The following CASP2 variants were observed in gnomAD, a reference collection of about 807,000 sequenced individuals.
CASP2 encodes caspase 2.
CASP2 carries 38 observed loss-of-function variants against 54.4 expected under a neutral mutation model. That is an observed-to-expected ratio of 0.70 (90% CI 0.54 to 0.92). The LOEUF (loss-of-function observed/expected upper bound fraction) is 0.92, where lower values mean the gene tolerates loss of function less well. Among genes scored for constraint, CASP2 ranks in the 40% least tolerant of loss-of-function variants. The probability of loss-of-function intolerance (pLI) is 0.00; values close to 1 mark genes in which losing one functional copy is unlikely to be tolerated. For synonymous variants in CASP2, 215 were observed against 216.3 expected (o/e 0.99, Z 0.05); for missense variants, 512 against 579.6 (o/e 0.88, Z 1.20).
chr7:143,298,944 C>A (rs1344673159), intron 6 of CASP2: 1 of 151,752 alleles, frequency 6.6e-6, no homozygotes, highest in Admixed American at 6.6e-5. Flanking sequence ...GCAATGTGTC[C>A]CAGACACAGT....
At chr7:143,293,042 G>T in intron 4 of CASP2, 1 of 603,792 alleles carries the variant, frequency 1.7e-6, no homozygotes, top group East Asian at 2.8e-5. Flanking sequence ...TAAAAAGGAG[G>T]GGGGTGTCCC....
chr7:143,300,528 C>T (rs1357185118), intron 8 of CASP2: 6 of 1,561,860 alleles, frequency 3.8e-6, no homozygotes, highest in African/African-American at 1.3e-5. Flanking sequence ...CCACCATATC[C>T]TGTTTTCAGG....
chr7:143,299,000 C>T (rs1188423648), intron 6 of CASP2, among the ~76,000 whole-genome samples: 1 of 151,848 alleles, frequency 6.6e-6, no homozygotes, highest in Non-Finnish European at 1.5e-5. Context: ...CTCTCTGTCA[C>T]CCAGGCTACA....
At chr7:143,297,604 G>C (rs4647314) in intron 6 of CASP2, among the ~76,000 whole-genome samples, 1 of 152,018 alleles carries the variant, frequency 6.6e-6, no homozygotes, top group Non-Finnish European at 1.5e-5. Flanking sequence ...ATGCCACCAC[G>C]CCCGGCTAAT....
chr7:143,298,376 T>C (rs769011502), intron 6 of CASP2: 4 of 152,216 alleles, frequency 2.6e-5, no homozygotes, highest in African/African-American at 4.8e-5. Flanking sequence ...TCGTGAATTA[T>C]AGAGGGAGGC....
At chr7:143,295,028 C>CTT (rs759124235) in intron 6 of CASP2, among the ~76,000 whole-genome samples, 2 of 142,498 alleles carry the variant, frequency 1.4e-5, no homozygotes, top group African/African-American at 2.6e-5. Context: ...TGGTGTCTCA[C>CTT]TTTTTTTTTT....
chr7:143,292,160 CAGAA>C, intron 2 of CASP2, 136 bp from the exon 3 acceptor site: 1 of 781,822 alleles, frequency 1.3e-6, no homozygotes, highest in Non-Finnish European at 2.2e-6. Flanking sequence ...TCAAGAATAA[CAGAA>C]AGGACTTCAC....
In CASP2 at chr7:143,300,329, G is replaced by A. The variant is rs769262939; in HGVS notation, c.967+35G>A. The A allele has an allele frequency of 1.9e-6, 3 of 1,610,300 alleles. No homozygotes were observed. In the African/African-American group the frequency reaches 4.0e-5, roughly 21 times the overall value. Reference sequence around the variant, plus strand: ...CTAGCAGACCAGCACCTGGGTGGTGGCTCCTGGGCAGCCTCCCACCAGCTC... The same window carrying A: ...CTAGCAGACCAGCACCTGGGTGGTGACTCCTGGGCAGCCTCCCACCAGCTC... On this transcript the variant is annotated intron_variant, in intron 8 of 10. Transcript: ENST00000310447.
chr7:143,290,127 C>G (rs1301168707), intron 1 of CASP2, among the ~76,000 whole-genome samples: 1 of 128,760 alleles, frequency 7.8e-6, no homozygotes, highest in Non-Finnish European at 1.5e-5. Context: ...GTGGAATGAT[C>G]TCAGCTCACT....
In CASP2 at chr7:143,307,328, A is replaced by G. The variant is rs1434129869; in HGVS notation, c.*2257A>G. The G allele has an allele frequency of 6.6e-6, 1 of 152,242 alleles. No individual in the cohort carries two copies. The highest frequency in any genetic ancestry group is 1.5e-5 in the Non-Finnish European group (1 of 68,038). The allele number at this position is 152,242 out of a possible 1,614,324, so 9.4% of individuals were successfully genotyped here. A position where few individuals can be genotyped will look rare whatever the true frequency, so the allele number is the denominator to read the frequency against. On this transcript the variant is annotated 3_prime_UTR_variant, in exon 11 of 11. Coordinates refer to ENST00000310447, the MANE Select transcript of CASP2 (RefSeq NM_032982.4). ...TGTTGAATAAAAGAGGGAAGAAGGC[A>G]AGCCAACCTTAGCTACAATCCTACC...
At position 143,300,004 on chromosome 7, in the gene CASP2, C is replaced by G; in HGVS notation, c.829C>G (p.His277Asp). ...TDSCIVALLS[H>D]GVEGAIYGVD... ...CTCCTGCATCGTGGCACTCCTCTCGCATGGTGTGGAGGGCGCCATCTATGG... is the reference window on the plus strand; with the variant it reads ...CTCCTGCATCGTGGCACTCCTCTCGGATGGTGTGGAGGGCGCCATCTATGG... The change falls in exon 7 of 11, where the codon CAT becomes GAT. Residue 277 changes from histidine (H) to aspartate (D), a missense_variant. By Grantham distance (81) the His-to-Asp change is moderately conservative. This residue lies in a region of CASP2 where 417 missense variants were observed against 495.4 expected (regional missense o/e 0.84). Coordinates refer to ENST00000310447, the MANE Select transcript of CASP2 (RefSeq NM_032982.4). The G allele has an allele frequency of 6.2e-7, 1 of 1,614,132 alleles. No homozygotes were observed. The highest frequency in any genetic ancestry group is 8.5e-7 in the Non-Finnish European group (1 of 1,180,004).
rs879846223 is a variant in CASP2 at position 143,288,384 on chromosome 7, G to C, written c.-72G>C. The C allele has an allele frequency of 1.2e-5, 18 of 1,479,974 alleles. No individual in the cohort carries two copies. The highest frequency in any genetic ancestry group is 1.2e-4 in the East Asian group (5 of 43,358). 91.7% of individuals were successfully genotyped at this position (1,479,974 alleles called of 1,614,324 possible). A position where few individuals can be genotyped will look rare whatever the true frequency, so the allele number is the denominator to read the frequency against. On this transcript the variant is annotated 5_prime_UTR_variant, in exon 1 of 11. Transcript: ENST00000310447. The stretch of plus-strand genomic sequence containing the variant: ...CGTCCGCGTCTGAGGGGAGGGATGT[G>C]GGGGAAGCGACGGCCCCCGGTTTGT...
At chr7:143,298,240 T>C (rs1801814517) in intron 6 of CASP2, among the ~76,000 whole-genome samples, 1 of 152,232 alleles carries the variant, frequency 6.6e-6, no homozygotes, top group African/African-American at 2.4e-5. Flanking sequence ...TGGCAGTGTG[T>C]GTGATTAAAT....
chr7:143,300,348 C>G (rs1240999914), intron 8 of CASP2, 54 bp downstream of exon 8: 15 of 1,607,030 alleles, frequency 9.3e-6, no homozygotes, highest in Non-Finnish European at 1.3e-5. Context: ...CAGCCTCCCA[C>G]CAGCTCTCAC....
chr7:143,288,833 A>G (rs950906693), intron 1 of CASP2, among the ~76,000 whole-genome samples: 1 of 152,214 alleles, frequency 6.6e-6, no homozygotes, highest in Admixed American at 6.5e-5. Flanking sequence ...GTTCTCTTGA[A>G]GATTCTTCAT....
chr7:143,304,579 A>G, intron 9 of CASP2, 95 bp from the exon 10 acceptor site: 1 of 865,112 alleles, frequency 1.2e-6, no homozygotes, highest in Non-Finnish European at 2.0e-6. Context: ...GGGTTCTCTG[A>G]CTAGGGAGGG....
chr7:143,298,967 G>GTT (rs971682258), intron 6 of CASP2, among the ~76,000 whole-genome samples: 1 of 148,258 alleles, frequency 6.7e-6, no homozygotes, highest in Non-Finnish European at 1.5e-5. Flanking sequence ...TCGGTTTTTG[G>GTT]TTTTTTTTTT....
At chr7:143,297,024 GT>G (rs1177905941) in intron 6 of CASP2, among the ~76,000 whole-genome samples, 1 of 152,080 alleles carries the variant, frequency 6.6e-6, no homozygotes, top group Non-Finnish European at 1.5e-5. Context: ...ATGTGGTATT[GT>G]TTTTTTAGCT....
intron 7 of CASP2, 54 bp downstream of exon 7, chr7:143,300,105 G>C: frequency 1.2e-6 from 2 of 1,613,812 alleles, no homozygotes; most frequent in Non-Finnish European, 1.7e-6. Context: ...TTTACCTCCT[G>C]CCTGCTGTCT....
Sources: gnomAD v4.1 joint callset for allele counts (sites outside exome capture counted in the v4.1 genomes callset) on GRCh38, gnomAD v4.1.1 for gene constraint, gnomAD v4.1.1 regional missense constraint, MANE v1.5 for transcripts, NCBI Gene and HGNC (gene_info 2026-07-23, HGNC 2026-07-21) for gene names.